Variants in NDE1 observed in about 807,000 individuals in gnomAD.
The protein encoded by NDE1 is nuclear distribution protein nudE homolog 1.
Under a neutral mutation model 43.4 loss-of-function variants are expected in NDE1, and 28 were observed. The observed-to-expected ratio is 0.65, with a 90% CI of 0.48 to 0.89. The LOEUF is 0.89. NDE1 is among the 40% of genes least tolerant of loss of function. The probability of loss-of-function intolerance (pLI) is 0.00; values close to 1 mark genes in which losing one functional copy is unlikely to be tolerated. For missense variants in NDE1, 441 were observed against 434.1 expected (o/e 1.02, Z -0.14); for synonymous variants, 184 against 172.0 (o/e 1.07, Z -0.55).
chr16:15,652,643 A>G (rs1032731152), intron 1 of NDE1, among the ~76,000 whole-genome samples: 7 of 152,178 alleles, frequency 4.6e-5, no homozygotes, highest in South Asian at 2.1e-4. Flanking sequence ...AACAATAGCT[A>G]TTTTACTTTT....
chr16:15,672,119 C>T (rs1032319774), intron 3 of NDE1, among the ~76,000 whole-genome samples: 14 of 152,006 alleles, frequency 9.2e-5, no homozygotes, highest in African/African-American at 3.1e-4. Flanking sequence ...AAGAGAATTA[C>T]TCAGTAATTC....
intron 8 of NDE1, chr16:15,721,294 ACCT>A (rs1398491694): frequency 3.1e-5 from 36 of 1,174,228 alleles, no homozygotes; most frequent in South Asian, 2.4e-4. Flanking sequence ...CAGTCCAAAA[ACCT>A]CCTTCCATTT....
intron 7 of NDE1, chr16:15,695,730 T>C (rs1052279121): frequency 2.0e-6 from 2 of 984,004 alleles, no homozygotes; most frequent in Admixed American, 6.2e-5. Flanking sequence ...CTCATTTCTT[T>C]TGTTTTTACT....
Position 15,667,075 on chromosome 16 carries a change from G to A in NDE1, c.84-211G>A, listed in dbSNP as rs559844125. ...AGCCTGGCCAACATGGTGAAACCCC[G>A]TCACTACTAAAAATACAAAAATTAG... On this transcript the variant is annotated intron_variant, in intron 2 of 8. Transcript: ENST00000396354. Among the ~76,000 whole-genome samples, 13 of 152,126 alleles carry A rather than the reference G, an allele frequency of 8.5e-5. No homozygotes were observed. In the South Asian group the frequency reaches 1.0e-3, roughly 12 times the overall value.
At chr16:15,699,865 C>A (rs375222620) in intron 8 of NDE1, 2 of 1,326,946 alleles carry the variant, frequency 1.5e-6, no homozygotes, top group African/African-American at 3.0e-5. Flanking sequence ...GTGCGGAAGT[C>A]GTTACCTTTT....
intron 3 of NDE1, among the ~76,000 whole-genome samples, chr16:15,668,849 G>A (rs907722621): frequency 3.9e-5 from 6 of 152,058 alleles, no homozygotes; most frequent in Non-Finnish European, 5.9e-5. Flanking sequence ...ATTGGAGCCC[G>A]GATCATCCTC....
Position 15,696,864 on chromosome 16 carries a change from A to T in NDE1, c.947+4A>T, listed in dbSNP as rs775832591. The T allele has an allele frequency of 6.2e-7, 1 of 1,613,924 alleles. No individual in the cohort carries two copies. The highest frequency in any genetic ancestry group is 1.3e-5 in the African/African-American group (1 of 74,944). On this transcript the variant is annotated splice_donor_region_variant and intron_variant, in intron 8 of 8. Coordinates refer to ENST00000396354, the MANE Select transcript of NDE1 (RefSeq NM_017668.3). ...GCGTGCCTTTGGGTGATAAGGGGTCAGTACCTTCTAATAAACCTCTCGCTG... is the reference window on the plus strand; with the variant it reads ...GCGTGCCTTTGGGTGATAAGGGGTCTGTACCTTCTAATAAACCTCTCGCTG...
At chr16:15,708,962 A>G (rs1395602150) in intron 8 of NDE1, 2 of 1,051,616 alleles carry the variant, frequency 1.9e-6, no homozygotes, top group Admixed American at 4.1e-5. Context: ...ACTCTTTTTT[A>G]TTTTGAGATA....
At chr16:15,656,532 T>C (rs2036776181) in intron 1 of NDE1, among the ~76,000 whole-genome samples, 1 of 151,704 alleles carries the variant, frequency 6.6e-6, no homozygotes, top group South Asian at 2.1e-4. Flanking sequence ...ATTATTATTA[T>C]TATTATTATT....
At chr16:15,686,563 A>C in intron 4 of NDE1, 3 of 983,836 alleles carry the variant, frequency 3.0e-6, no homozygotes, top group African/African-American at 1.7e-5. Context: ...CTGTAATCTC[A>C]GTAACTCAGG....
At position 15,694,253 on chromosome 16, in the gene NDE1, C is replaced by T. The variant is rs1233481028; in HGVS notation, c.792C>T (p.Val264=). ...LNIVGDLLRK[V]GALESKLASC... is the part of the protein sequence containing the mutation. ...TTGTGGGAGACCTACTGCGGAAAGT[C>T]GGGGTAAGACCACACTTTCCTGGCG... The change falls in exon 7 of 9, where the codon GTC becomes GTT. Residue 264 remains valine (V), a synonymous_variant. Transcript: ENST00000396354. 1.9e-5 allele frequency: 30 copies of T among 1,613,322 alleles called. No homozygotes were observed. The highest frequency in any genetic ancestry group is 5.5e-5 in the South Asian group (5 of 90,952).
At chr16:15,643,652 A>G (rs573161303) in exon 1 of NDE1, 1 of 272,894 alleles carries the variant, frequency 3.7e-6, no homozygotes, top group South Asian at 3.1e-5. Flanking sequence ...ATTCCCCAGC[A>G]TCCTAAATCT....
intron 6 of NDE1, among the ~76,000 whole-genome samples, chr16:15,693,832 C>T (rs1466916230): frequency 6.6e-6 from 1 of 152,130 alleles, no homozygotes; most frequent in African/African-American, 2.4e-5. Flanking sequence ...CCCAGCTACT[C>T]AAGAGGCCAA....
chr16:15,724,461 T>C lies in NDE1; in HGVS notation c.*210T>C. 1 of 1,610,514 alleles carries C rather than the reference T, an allele frequency of 6.2e-7. No homozygotes were observed. Among genetic ancestry groups the C allele is most frequent in the Non-Finnish European group, 8.5e-7 (1 of 1,178,898 alleles). On this transcript the variant is annotated 3_prime_UTR_variant, in exon 9 of 9. Coordinates refer to ENST00000396354, the MANE Select transcript of NDE1 (RefSeq NM_017668.3). ...TGAGAGGGGGACCATGAGTGGCCCC[T>C]GTCCCTGGCCCCACAGACTCTGAGA... is the stretch of plus-strand genomic sequence containing the variant.
At chr16:15,694,531 G>C in intron 7 of NDE1, 1 of 790,902 alleles carries the variant, frequency 1.3e-6, no homozygotes, top group Non-Finnish European at 1.5e-6. Context: ...TTTTTTTGTA[G>C]TAATGTGGGT....
upstream of NDE1, among the ~76,000 whole-genome samples, chr16:15,646,311 T>C (rs1330582117): frequency 6.6e-6 from 1 of 152,218 alleles, no homozygotes. Flanking sequence ...GCGCAGTGGC[T>C]CACGCCTGTA....
intron 3 of NDE1, among the ~76,000 whole-genome samples, chr16:15,675,325 A>C (rs2037812214): frequency 1.3e-5 from 2 of 151,828 alleles, no homozygotes; most frequent in Admixed American, 1.3e-4. Flanking sequence ...CAGCTTCCCA[A>C]GTAGCTGGGA....
At chr16:15,699,462 C>G (rs2039149838) in intron 8 of NDE1, 1 of 929,466 alleles carries the variant, frequency 1.1e-6, no homozygotes, top group Non-Finnish European at 1.3e-6. Context: ...CAGGGTCTCA[C>G]TATGTTGCGT....
chr16:15,701,656 C>CT (rs199897664), intron 8 of NDE1: 2 of 152,348 alleles, frequency 1.3e-5, no homozygotes, highest in East Asian at 3.9e-4. Context: ...ACTGCTGTCT[C>CT]TTTGGGACAC....
Sources: allele counts gnomAD v4.1 joint callset (sites outside exome capture counted in the v4.1 genomes callset), GRCh38; gene constraint gnomAD v4.1.1; transcripts MANE v1.5; gene names NCBI Gene and HGNC (gene_info 2026-07-23, HGNC 2026-07-21).